The following PTPRD variants were observed in gnomAD, a reference collection of about 807,000 sequenced individuals.
PTPRD encodes the protein receptor-type tyrosine-protein phosphatase delta.
A neutral mutation model predicts 214.5 loss-of-function variants in PTPRD; 34 were observed. The observed-to-expected ratio is 0.16, with a 90% CI of 0.12 to 0.21. The LOEUF is 0.21. Among genes scored for constraint, PTPRD ranks in the 10% least tolerant of loss-of-function variants. The pLI, the probability that PTPRD is intolerant of heterozygous loss-of-function variation, is 1.00. For missense variants in PTPRD, 2,545 were observed against 2,398.7 expected, an observed-to-expected ratio of 1.06 and a Z score of -1.27; for synonymous variants, 1,128 against 845.7, an observed-to-expected ratio of 1.33 and a Z score of -5.79.
At chr9:10,360,207 T>C (rs2097351815) in intron 2 of PTPRD, among the ~76,000 whole-genome samples, 1 of 152,252 alleles carries the variant, frequency 6.6e-6, no homozygotes. Context: ...ATTTGGACAC[T>C]ATCAGGCCAG....
chr9:10,196,335 T>C (rs1300669998), intron 3 of PTPRD, among the ~76,000 whole-genome samples: 2 of 152,156 alleles, frequency 1.3e-5, no homozygotes, highest in Non-Finnish European at 2.9e-5. Context: ...ACATTTTCAC[T>C]TGAATAATAA....
rs368240024 is a variant in PTPRD, at chr9:9,223,221, G to A, written c.-202-39858C>T. On this transcript the variant is annotated intron_variant, in intron 9 of 45. Transcript: ENST00000381196. Reference sequence around the variant, plus strand: ...TGAGGAATAGAGCTGTGTGGGGGAGGTGGCATCAACATGTCATCATAATAC... The same window carrying A: ...TGAGGAATAGAGCTGTGTGGGGGAGATGGCATCAACATGTCATCATAATAC... 1.3e-4 allele frequency among the ~76,000 whole-genome samples: 20 copies of A among 152,092 alleles called. No individual in the cohort carries two copies. The East Asian group carries it at 1.9e-3, about 15-fold the overall frequency.
At chr9:9,464,221 G>A in intron 8 of PTPRD, among the ~76,000 whole-genome samples, 1 of 152,046 alleles carries the variant, frequency 6.6e-6, no homozygotes. Context: ...TGGCATTTTG[G>A]TAACATACCC....
chr9:10,573,664 T>C (rs1037766972), intron 2 of PTPRD, among the ~76,000 whole-genome samples: 3 of 152,118 alleles, frequency 2.0e-5, no homozygotes, highest in African/African-American at 7.2e-5. Context: ...TGCACGGGGC[T>C]ACAGCGCACC....
intron 9 of PTPRD, among the ~76,000 whole-genome samples, chr9:9,325,042 T>C (rs1284944170): frequency 1.3e-5 from 2 of 152,326 alleles, no homozygotes; most frequent in East Asian, 3.9e-4. Context: ...TTCTGTTCCA[T>C]TGATCTATAT....
intron 11 of PTPRD, among the ~76,000 whole-genome samples, chr9:8,858,613 G>A (rs1486619345): frequency 6.6e-6 from 1 of 152,178 alleles, no homozygotes; most frequent in Non-Finnish European, 1.5e-5. Context: ...CTGTGCTCCA[G>A]CGCTGGGGGA....
At chr9:8,388,024 A>G (rs2087833782) in intron 37 of PTPRD, among the ~76,000 whole-genome samples, 1 of 152,214 alleles carries the variant, frequency 6.6e-6, no homozygotes, top group African/African-American at 2.4e-5. Flanking sequence ...CATTTTAGAC[A>G]ATATTTCAAC....
At chr9:8,962,265 A>G (rs542500561) in intron 11 of PTPRD, 9 of 152,158 alleles carry the variant, frequency 5.9e-5, no homozygotes, top group Non-Finnish European at 1.3e-4. Flanking sequence ...TCCTTTGCAG[A>G]GCCACTGTGT....
chr9:8,483,241 T>A (rs920237745), intron 30 of PTPRD, among the ~76,000 whole-genome samples: 2 of 152,256 alleles, frequency 1.3e-5, no homozygotes, highest in Non-Finnish European at 2.9e-5. Context: ...AAACTTGAAT[T>A]TTCTAATGTT....
intron 3 of PTPRD, among the ~76,000 whole-genome samples, chr9:10,098,308 A>C (rs1354803656): frequency 8.7e-5 from 12 of 138,338 alleles, no homozygotes; most frequent in Non-Finnish European, 3.1e-5. Flanking sequence ...ACACATGGAC[A>C]CAGGAAGGGG....
intron 10 of PTPRD, chr9:9,091,348 T>C: frequency 2.7e-6 from 2 of 734,308 alleles, no homozygotes; most frequent in Non-Finnish European, 4.8e-6. Context: ...TGCGTATTTT[T>C]CTGGAACTGT....
chr9:9,679,800 T>G (rs1302583461), intron 7 of PTPRD, among the ~76,000 whole-genome samples: 1 of 151,894 alleles, frequency 6.6e-6, no homozygotes, highest in African/African-American at 2.4e-5. Context: ...CAAAGATGTT[T>G]TGATTAAAAA....
intron 8 of PTPRD, among the ~76,000 whole-genome samples, chr9:9,508,507 C>T (rs537772951): frequency 6.6e-6 from 1 of 151,734 alleles, no homozygotes; most frequent in South Asian, 2.1e-4. Flanking sequence ...TATATTTCTC[C>T]CCATAATCTA....
At chr9:9,457,433 G>GA (rs1320143714) in intron 8 of PTPRD, among the ~76,000 whole-genome samples, 1 of 151,882 alleles carries the variant, frequency 6.6e-6, no homozygotes, top group Non-Finnish European at 1.5e-5. Flanking sequence ...AATAATGGCT[G>GA]AAAAATATAA....
chr9:8,921,933 G>A (rs761763361), intron 11 of PTPRD, among the ~76,000 whole-genome samples: 4 of 152,156 alleles, frequency 2.6e-5, no homozygotes, highest in Non-Finnish European at 4.4e-5. Flanking sequence ...GGACACAGAA[G>A]AAGAGGAGGC....
intron 35 of PTPRD, among the ~76,000 whole-genome samples, chr9:8,408,550 A>C (rs1468932559): frequency 6.6e-6 from 1 of 152,184 alleles, no homozygotes; most frequent in South Asian, 2.1e-4. Flanking sequence ...TATTTAAGTA[A>C]AAGTTGATTA....
chr9:10,313,840 A>T (rs1442126966), intron 3 of PTPRD, among the ~76,000 whole-genome samples: 1 of 151,910 alleles, frequency 6.6e-6, no homozygotes, highest in Non-Finnish European at 1.5e-5. Context: ...GCAGAGAGAG[A>T]TGTATAAATG....
At chr9:8,968,115 C>T (rs564688120) in intron 11 of PTPRD, among the ~76,000 whole-genome samples, 195 of 151,938 alleles carry the variant, frequency 1.3e-3, no homozygotes, top group Non-Finnish European at 1.6e-3. Context: ...TAGTATTCCA[C>T]GGTGTATATG....
intron 11 of PTPRD, among the ~76,000 whole-genome samples, chr9:8,738,445 G>C (rs1366726275): frequency 6.6e-6 from 1 of 151,874 alleles, no homozygotes; most frequent in Non-Finnish European, 1.5e-5. Flanking sequence ...CTAGGGCCTA[G>C]AGTCCCTTAG....
Sources: allele counts gnomAD v4.1 joint callset (sites outside exome capture counted in the v4.1 genomes callset), GRCh38; gene constraint gnomAD v4.1.1; transcripts MANE v1.5; gene names NCBI Gene and HGNC (gene_info 2026-07-23, HGNC 2026-07-21).